Variants in VAV3 observed in about 807,000 individuals in gnomAD.
VAV3 encodes guanine nucleotide exchange factor VAV3.
In VAV3, 94 loss-of-function variants were observed where a neutral mutation model predicts 131.2. That is an observed-to-expected ratio of 0.72 (90% CI 0.61 to 0.85). The LOEUF (loss-of-function observed/expected upper bound fraction) is 0.85. Ranked by LOEUF, VAV3 falls within the 40% of genes least tolerant of loss-of-function variation. The pLI, the probability that VAV3 is intolerant of heterozygous loss-of-function variation, is 0.00. For synonymous variants in VAV3, 349 were observed against 342.0 expected, an observed-to-expected ratio of 1.02 and a Z score of -0.22; for missense variants, 939 against 1,002.7, an observed-to-expected ratio of 0.94 and a Z score of 0.86.
intron 19 of VAV3, among the ~76,000 whole-genome samples, chr1:107,656,985 G>C (rs943926683): frequency 8.5e-6 from 1 of 117,690 alleles, no homozygotes; most frequent in African/African-American, 3.4e-5. Context: ...ACGATGTCTC[G>C]CTCTGTCACA....
At chr1:107,677,282 T>C (rs1175766993) in intron 19 of VAV3, among the ~76,000 whole-genome samples, 6 of 152,164 alleles carry the variant, frequency 3.9e-5, no homozygotes, top group Non-Finnish European at 5.9e-5. Context: ...CTGAAATCAA[T>C]TGGATATCAT....
At chr1:107,584,082 G>A (rs995658204) in intron 25 of VAV3, among the ~76,000 whole-genome samples, 4 of 152,142 alleles carry the variant, frequency 2.6e-5, no homozygotes, top group African/African-American at 7.2e-5. Context: ...GAACAGAACA[G>A]AGCCCTCAGA....
chr1:107,717,143 T>A (rs1224774372), intron 15 of VAV3, among the ~76,000 whole-genome samples: 2 of 152,104 alleles, frequency 1.3e-5, no homozygotes, highest in African/African-American at 4.8e-5. Flanking sequence ...TCTTTATTAG[T>A]CTTGCTAGCA....
chr1:107,612,440 T>C (rs986251231), intron 21 of VAV3, among the ~76,000 whole-genome samples: 6 of 152,102 alleles, frequency 3.9e-5, no homozygotes, highest in Non-Finnish European at 8.8e-5. Context: ...CTTGGTTCTT[T>C]TGTAGTTCCT....
intron 19 of VAV3, among the ~76,000 whole-genome samples, chr1:107,658,299 T>C (rs1340275800): frequency 6.6e-6 from 1 of 152,238 alleles, no homozygotes; most frequent in Admixed American, 6.5e-5. Flanking sequence ...TATGGCTGCA[T>C]AGTATTCCAC....
chr1:107,659,573 T>G (rs1570702637), intron 19 of VAV3, among the ~76,000 whole-genome samples: 1 of 152,312 alleles, frequency 6.6e-6, no homozygotes, highest in East Asian at 1.9e-4. Context: ...TTTATTTAAC[T>G]ATATATGTAG....
chr1:107,708,291 T>C (rs898926217), intron 15 of VAV3, among the ~76,000 whole-genome samples: 5 of 152,338 alleles, frequency 3.3e-5, no homozygotes, highest in African/African-American at 1.2e-4. Context: ...TTGGGTTGTC[T>C]ATAGATGAGT....
intron 24 of VAV3, among the ~76,000 whole-genome samples, chr1:107,601,154 C>A (rs573282647): frequency 6.6e-6 from 1 of 152,274 alleles, no homozygotes; most frequent in East Asian, 1.9e-4. Flanking sequence ...TGGTCCAATT[C>A]TCTCTGTGCT....
At chr1:107,682,281 A>G (rs911951262) in intron 19 of VAV3, among the ~76,000 whole-genome samples, 1 of 152,212 alleles carries the variant, frequency 6.6e-6, no homozygotes, top group African/African-American at 2.4e-5. Context: ...AAGAAAAAAT[A>G]CATTAAAAAA....
At chr1:107,619,755 C>T (rs896321154) in intron 20 of VAV3, among the ~76,000 whole-genome samples, 1 of 152,182 alleles carries the variant, frequency 6.6e-6, no homozygotes, top group Admixed American at 6.5e-5. Context: ...AAACTGTCAA[C>T]TTCCACTCTT....
At chr1:107,820,785 C>T (rs1667763734) in intron 2 of VAV3, 2 of 152,060 alleles carry the variant, frequency 1.3e-5, no homozygotes, top group Non-Finnish European at 2.9e-5. Context: ...AAAAAACTGA[C>T]CTTCATTTCT....
chr1:107,789,358 AG>A, intron 2 of VAV3, among the ~76,000 whole-genome samples: 1 of 152,352 alleles, frequency 6.6e-6, no homozygotes, highest in South Asian at 2.1e-4. Flanking sequence ...CCAGAACGAT[AG>A]GATCTCGTCG....
chr1:107,628,732 GTC>G, intron 20 of VAV3, among the ~76,000 whole-genome samples: 1 of 152,126 alleles, frequency 6.6e-6, no homozygotes, highest in Non-Finnish European at 1.5e-5. Flanking sequence ...AAGTACAATG[GTC>G]TAATATATAG....
intron 19 of VAV3, among the ~76,000 whole-genome samples, chr1:107,681,375 T>C (rs2101728200): frequency 6.6e-6 from 1 of 152,298 alleles, no homozygotes; most frequent in African/African-American, 2.4e-5. Context: ...CTCTAAACAA[T>C]AGCCACATGA....
intron 1 of VAV3, among the ~76,000 whole-genome samples, chr1:107,900,260 T>C (rs1360027774): frequency 6.6e-6 from 1 of 152,192 alleles, no homozygotes; most frequent in African/African-American, 2.4e-5. Flanking sequence ...TGGTACAGTG[T>C]AGCCGCAAAG....
At position 107,704,995 on chromosome 1, in the gene VAV3, T is replaced by C; in HGVS notation, c.1569A>G (p.Arg523=). 1 of 1,613,958 alleles carries C rather than the reference T, an allele frequency of 6.2e-7. No homozygotes were observed. ...TCTGGCAGACTTTGCAGGATGTGAC[T>C]CGAGTGAAGGTATGCATCTTGAAGT... The part of the protein sequence containing the change: ...FHDFKMHTFT[R]VTSCKVCQML... The change falls in exon 16 of 27, where the codon CGA becomes CGG. Residue 523 remains arginine (R), a synonymous_variant. Coordinates refer to ENST00000370056, the MANE Select transcript of VAV3 (RefSeq NM_006113.5).
intron 1 of VAV3, among the ~76,000 whole-genome samples, chr1:107,886,311 G>A (rs1465690546): frequency 6.6e-6 from 1 of 152,184 alleles, no homozygotes; most frequent in African/African-American, 2.4e-5. Flanking sequence ...AAACTGAGAT[G>A]CCACAAATAA....
At chr1:107,679,354 C>A (rs1658443936) in intron 19 of VAV3, among the ~76,000 whole-genome samples, 1 of 152,150 alleles carries the variant, frequency 6.6e-6, no homozygotes, top group African/African-American at 2.4e-5. Flanking sequence ...ATTACCTATT[C>A]ATTTATTATT....
chr1:107,835,174 G>A (rs1412264344), intron 2 of VAV3, among the ~76,000 whole-genome samples: 5 of 152,116 alleles, frequency 3.3e-5, no homozygotes, highest in African/African-American at 4.8e-5. Context: ...TCCACCAGCC[G>A]CTATCAAGGC....
Sources: allele counts gnomAD v4.1 joint callset (sites outside exome capture counted in the v4.1 genomes callset), GRCh38; gene constraint gnomAD v4.1.1; transcripts MANE v1.5; gene names NCBI Gene and HGNC (gene_info 2026-07-23, HGNC 2026-07-21).